Variants in CHN1 observed in about 807,000 individuals in gnomAD.
CHN1 encodes N-chimaerin.
In CHN1, 37 loss-of-function variants were observed where a neutral mutation model predicts 59.5. The ratio of observed to expected loss-of-function variants is 0.62; its 90% confidence interval spans 0.48 to 0.82. The LOEUF (loss-of-function observed/expected upper bound fraction) is 0.82. CHN1 is among the 40% of genes least tolerant of loss of function. The pLI is 0.00. For missense variants in CHN1, 469 were observed against 571.0 expected, an observed-to-expected ratio of 0.82 and a Z score of 1.82; for synonymous variants, 206 against 200.4, an observed-to-expected ratio of 1.03 and a Z score of -0.24.
rs1690221437 is a variant in CHN1 at position 174,956,848 on chromosome 2, T to A, written c.20-4646A>T. On this transcript the variant is annotated intron_variant, in intron 1 of 12. Coordinates refer to ENST00000409900, the MANE Select transcript of CHN1 (RefSeq NM_001822.7). ...GAATGAAATAATGCAGCAAATAGAG[T>A]CATTTCTTATTATTCACAGTAATTA... Among the ~76,000 whole-genome samples the A allele has an allele frequency of 5.3e-5, 8 of 150,056 alleles. No individual in the cohort carries two copies. The South Asian group carries it at 1.3e-3, about 24-fold the overall frequency.
chr2:174,821,686 T>A (rs753002632), intron 8 of CHN1: 2 of 448,584 alleles, frequency 4.5e-6, no homozygotes, highest in Admixed American at 5.0e-5. Flanking sequence ...CTGGAGGACA[T>A]AGCTTTCCAG....
rs1178999109 is a variant in CHN1 at position 174,915,993 on chromosome 2, G to A, written c.147-822C>T. 3.9e-5 allele frequency among the ~76,000 whole-genome samples: 6 copies of A among 152,178 alleles called. No individual in the cohort carries two copies. In the South Asian group the frequency reaches 6.2e-4, roughly 16 times the overall value. On this transcript the variant is annotated intron_variant, in intron 4 of 12. Coordinates refer to ENST00000409900, the MANE Select transcript of CHN1 (RefSeq NM_001822.7). ...CCAAAATATGCCACTTTGCTGTATC[G>A]AGTATTTTGAGCTAAAGGCACTTCA...
chr2:174,918,009 A>G (rs1247132168), intron 4 of CHN1, among the ~76,000 whole-genome samples: 1 of 152,150 alleles, frequency 6.6e-6, no homozygotes, highest in East Asian at 1.9e-4. Flanking sequence ...TATGTATAAT[A>G]TCTCAATTTG....
intron 3 of CHN1, among the ~76,000 whole-genome samples, chr2:174,927,836 C>A (rs1468485803): frequency 6.6e-6 from 1 of 152,148 alleles, no homozygotes; most frequent in Non-Finnish European, 1.5e-5. Flanking sequence ...TAAACCTAGT[C>A]TGGAAGTCTA....
At chr2:174,808,821 G>T in intron 11 of CHN1, 84 bp downstream of exon 11, 3 of 1,399,940 alleles carry the variant, frequency 2.1e-6, no homozygotes, top group Non-Finnish European at 3.0e-6. Flanking sequence ...TTCATAAAAT[G>T]CATTCAAGTT....
intron 7 of CHN1, among the ~76,000 whole-genome samples, chr2:174,832,281 A>C (rs543546013): frequency 3.2e-4 from 48 of 152,142 alleles, no homozygotes; most frequent in Non-Finnish European, 5.7e-4. Context: ...GGATTTAAAA[A>C]ATTCTGTTTT....
intron 11 of CHN1, 87 bp from the exon 12 acceptor site, chr2:174,801,899 G>T: frequency 1.0e-6 from 1 of 979,436 alleles, no homozygotes; most frequent in Non-Finnish European, 1.6e-6. Context: ...TTGTGATAAT[G>T]CTCTGAAACT....
Position 175,002,966 on chromosome 2 carries a change from A to G in CHN1, c.19+1928T>C, listed in dbSNP as rs1221777890. ...CAACATACACAAAAAGCTATTTTGT[A>G]TTGGGCGAGTTTGACCCAATCTCCT... On this transcript the variant is annotated intron_variant, in intron 1 of 12. Transcript: ENST00000409900. 2.6e-5 allele frequency among the ~76,000 whole-genome samples: 4 copies of G among 152,240 alleles called. No homozygotes were observed. In the East Asian group the frequency reaches 7.7e-4, roughly 29 times the overall value.
At chr2:174,958,620 C>T (rs1690294817) in intron 1 of CHN1, among the ~76,000 whole-genome samples, 1 of 152,198 alleles carries the variant, frequency 6.6e-6, no homozygotes, top group Non-Finnish European at 1.5e-5. Flanking sequence ...TCTTAGGGAA[C>T]ATCAACCTTT....
chr2:175,001,928 G>C (rs1381806091), intron 1 of CHN1, among the ~76,000 whole-genome samples: 1 of 152,204 alleles, frequency 6.6e-6, no homozygotes, highest in Non-Finnish European at 1.5e-5. Context: ...GTAATTACTA[G>C]AAAACATGTG....
At chr2:174,986,006 A>T (rs1691327160) in intron 1 of CHN1, among the ~76,000 whole-genome samples, 1 of 152,232 alleles carries the variant, frequency 6.6e-6, no homozygotes, top group South Asian at 2.1e-4. Flanking sequence ...AATTTAAATT[A>T]AAAGGTTAAT....
Position 175,000,991 on chromosome 2 carries a change from C to T in CHN1, c.19+3903G>A, listed in dbSNP as rs549187580. Among the ~76,000 whole-genome samples the T allele has an allele frequency of 2.6e-5, 4 of 152,318 alleles. No individual in the cohort carries two copies. The East Asian group carries it at 7.7e-4, about 29-fold the overall frequency. On this transcript the variant is annotated intron_variant, in intron 1 of 12. Coordinates refer to ENST00000409900, the MANE Select transcript of CHN1 (RefSeq NM_001822.7). ...GCTATTCACAGGCACAATCATAGTG[C>T]AACTACAGTCTTGAACTTCTGAACT...
chr2:174,804,672 G>A (rs1334429357), intron 11 of CHN1, among the ~76,000 whole-genome samples: 1 of 152,218 alleles, frequency 6.6e-6, no homozygotes, highest in Admixed American at 6.5e-5. Context: ...GGATGCATGA[G>A]AAACAGAAGA....
At chr2:174,832,609 G>A (rs948912120) in intron 7 of CHN1, among the ~76,000 whole-genome samples, 3 of 151,942 alleles carry the variant, frequency 2.0e-5, no homozygotes, top group African/African-American at 7.2e-5. Context: ...TAAGTATGTG[G>A]GAAATTTTTC....
rs570652117 is a variant in CHN1, at chr2:174,864,449, CTTATA to C, written c.549+13386_549+13390del. ...CTAAAATATAATAAATGCAATATGCCTTATATTATAAATCTTAGTTATCAGATTTC... is the reference window on the plus strand; with the variant it reads ...CTAAAATATAATAAATGCAATATGCCTTATAAATCTTAGTTATCAGATTTC... On this transcript the variant is annotated intron_variant, in intron 6 of 12. Transcript: ENST00000409900. Among the ~76,000 whole-genome samples the C allele has an allele frequency of 4.1e-4, 63 of 152,162 alleles. No homozygotes were observed. The South Asian group carries it at 0.011, about 28-fold the overall frequency.
chr2:174,802,367 C>CTGTTTTAAATTACTT (rs1684752638), intron 11 of CHN1, among the ~76,000 whole-genome samples: 1 of 152,202 alleles, frequency 6.6e-6, no homozygotes, highest in Non-Finnish European at 1.5e-5. Context: ...ATTCATTACA[C>CTGTTTTAAATTACTT]TGTTTTAAAT....
At chr2:175,004,286 T>C (rs1034263926) in intron 1 of CHN1, among the ~76,000 whole-genome samples, 2 of 152,242 alleles carry the variant, frequency 1.3e-5, no homozygotes, top group Non-Finnish European at 1.5e-5. Flanking sequence ...ATTTCATTCT[T>C]AATGAATACT....
intron 7 of CHN1, among the ~76,000 whole-genome samples, chr2:174,840,158 A>ATTCTT (rs1686241321): frequency 2.0e-5 from 2 of 100,052 alleles, no homozygotes; most frequent in Non-Finnish European, 4.3e-5. Flanking sequence ...GCATAAAACC[A>ATTCTT]TTCTTTTTTT....
At chr2:174,814,130 C>T (rs1050306940) in intron 8 of CHN1, among the ~76,000 whole-genome samples, 2 of 152,202 alleles carry the variant, frequency 1.3e-5, no homozygotes, top group African/African-American at 4.8e-5. Flanking sequence ...TTCATATGAA[C>T]TGAGCACCTC....
Sources: gnomAD v4.1 joint callset for allele counts (sites outside exome capture counted in the v4.1 genomes callset) on GRCh38, gnomAD v4.1.1 for gene constraint, MANE v1.5 for transcripts, NCBI Gene and HGNC (gene_info 2026-07-23, HGNC 2026-07-21) for gene names.